Variants in XKR9 observed in about 807,000 individuals in gnomAD.
The protein encoded by XKR9 is XK related 9, also known as XK-related protein 9.
Under a neutral mutation model 32.0 loss-of-function variants are expected in XKR9, and 32 were observed. The ratio of observed to expected loss-of-function variants is 1.00; its 90% CI spans 0.76 to 1.34. The LOEUF is 1.34. Among genes scored for constraint, XKR9 ranks in the 40% most tolerant of loss-of-function variants. The pLI, the probability that XKR9 is intolerant of heterozygous loss-of-function variation, is 0.00. For synonymous variants in XKR9, 168 were observed against 143.4 expected, an observed-to-expected ratio of 1.17 and a Z score of -1.22; for missense variants, 546 against 429.7, an observed-to-expected ratio of 1.27 and a Z score of -2.39.
the XKR9 span, among the ~76,000 whole-genome samples, chr8:70,996,522 T>G: frequency 6.6e-6 from 1 of 152,230 alleles, no homozygotes; most frequent in African/African-American, 2.4e-5. Context: ...TTTTAATTGC[T>G]TGGTAGTCTT....
chr8:70,745,854 G>T (rs1807051159), intron 2 of XKR9, among the ~76,000 whole-genome samples: 1 of 152,094 alleles, frequency 6.6e-6, no homozygotes, highest in African/African-American at 2.4e-5. Context: ...TGTAAATCTT[G>T]TCCTTGTGAT....
chr8:71,010,630 C>T, the XKR9 span, among the ~76,000 whole-genome samples: 1 of 152,120 alleles, frequency 6.6e-6, no homozygotes, highest in Non-Finnish European at 1.5e-5. Context: ...GAAACAGTAT[C>T]ATTACATGGA....
At chr8:70,750,935 CAA>C (rs1428596610) in intron 2 of XKR9, among the ~76,000 whole-genome samples, 1 of 152,148 alleles carries the variant, frequency 6.6e-6, no homozygotes, top group African/African-American at 2.4e-5. Context: ...GGACTTGGAG[CAA>C]AACATATTGC....
chr8:70,884,787 A>G, the XKR9 span, among the ~76,000 whole-genome samples: 1 of 152,096 alleles, frequency 6.6e-6, no homozygotes, highest in Non-Finnish European at 1.5e-5. Context: ...TCATAACTGT[A>G]GCTTTATAGT....
the XKR9 span, among the ~76,000 whole-genome samples, chr8:70,970,432 T>C: frequency 6.6e-6 from 1 of 152,142 alleles, no homozygotes; most frequent in Admixed American, 6.6e-5. Flanking sequence ...ACCCATCACC[T>C]ACATTAGGTA....
intron 2 of XKR9, among the ~76,000 whole-genome samples, chr8:70,777,278 A>G (rs1181225212): frequency 6.6e-6 from 1 of 152,020 alleles, no homozygotes; most frequent in African/African-American, 2.4e-5. Flanking sequence ...CCTGCAAAAG[A>G]CATGAACTCA....
chr8:70,732,116 A>G lies in XKR9; in HGVS notation c.494-1680A>G, dbSNP rs1342281871. ...ATAGACAAACCAAGACCCCCGAAGG[A>G]GCTGAACTGAGATAGACACCCCATG... On this transcript the variant is annotated intron_variant, in intron 4 of 4. Transcript: ENST00000408926. 3.9e-5 allele frequency among the ~76,000 whole-genome samples: 6 copies of G among 152,276 alleles called. No individual in the cohort carries two copies. The East Asian group carries it at 9.7e-4, about 25-fold the overall frequency.
At chr8:70,718,399 C>G (rs929041534) in intron 4 of XKR9, among the ~76,000 whole-genome samples, 1 of 151,988 alleles carries the variant, frequency 6.6e-6, no homozygotes, top group Non-Finnish European at 1.5e-5. Flanking sequence ...TGGTTTGCTG[C>G]ACATATTATC....
chr8:70,767,880 T>C (rs1807400376), intron 2 of XKR9, among the ~76,000 whole-genome samples: 1 of 152,176 alleles, frequency 6.6e-6, no homozygotes, highest in African/African-American at 2.4e-5. Context: ...ATCCAGCTCT[T>C]GGATTCATTA....
the XKR9 span, among the ~76,000 whole-genome samples, chr8:70,855,243 G>C: frequency 6.6e-6 from 1 of 152,002 alleles, no homozygotes; most frequent in African/African-American, 2.4e-5. Flanking sequence ...AAAATTAGAC[G>C]AATGGTTAAC....
chr8:70,921,771 A>C, the XKR9 span, among the ~76,000 whole-genome samples: 1 of 152,174 alleles, frequency 6.6e-6, no homozygotes, highest in Non-Finnish European at 1.5e-5. Context: ...GCTTCTGCTA[A>C]TTATACATTT....
the XKR9 span, among the ~76,000 whole-genome samples, chr8:71,048,713 C>G: frequency 4.6e-5 from 7 of 152,288 alleles, no homozygotes; most frequent in Middle Eastern, 6.8e-3. Context: ...TATCCACATT[C>G]TAAGCATTGA....
the XKR9 span, among the ~76,000 whole-genome samples, chr8:70,797,262 G>C: frequency 6.6e-6 from 1 of 151,994 alleles, no homozygotes; most frequent in Admixed American, 6.6e-5. Flanking sequence ...GAGAGTAGAG[G>C]GTGTCACCTG....
At chr8:70,812,850 G>C in the XKR9 span, among the ~76,000 whole-genome samples, 1 of 152,148 alleles carries the variant, frequency 6.6e-6, no homozygotes, top group Non-Finnish European at 1.5e-5. Context: ...TCAATATCGT[G>C]AAAATGGCCA....
the XKR9 span, among the ~76,000 whole-genome samples, chr8:70,796,459 C>T: frequency 5.3e-5 from 8 of 151,888 alleles, no homozygotes; most frequent in Non-Finnish European, 1.0e-4. Context: ...TAATTTGAGT[C>T]TTCTTTCTTT....
chr8:71,046,320 A>C, the XKR9 span, among the ~76,000 whole-genome samples: 28 of 152,306 alleles, frequency 1.8e-4, 1 homozygote, highest in Non-Finnish European at 3.8e-4. Flanking sequence ...AGGGGTAGCC[A>C]AGGCTCTCAA....
At chr8:70,866,093 A>G in the XKR9 span, among the ~76,000 whole-genome samples, 2 of 152,214 alleles carry the variant, frequency 1.3e-5, no homozygotes, top group African/African-American at 4.8e-5. Flanking sequence ...AATTGTTTCT[A>G]TTTCCTGATA....
the XKR9 span, among the ~76,000 whole-genome samples, chr8:70,991,122 A>G: frequency 6.6e-6 from 1 of 152,260 alleles, no homozygotes; most frequent in Non-Finnish European, 1.5e-5. Context: ...GGGGAAAGTA[A>G]GAAGAGTTCA....
chr8:70,987,409 G>T, the XKR9 span, among the ~76,000 whole-genome samples: 22 of 152,344 alleles, frequency 1.4e-4, no homozygotes, highest in African/African-American at 5.1e-4. Flanking sequence ...TTCGAAATGG[G>T]AGAAACTGGC....
Sources: allele counts gnomAD v4.1 joint callset (sites outside exome capture counted in the v4.1 genomes callset), GRCh38; gene constraint gnomAD v4.1.1; transcripts MANE v1.5; gene names NCBI Gene and HGNC (gene_info 2026-07-23, HGNC 2026-07-21).